CNTNAP2: variants seen among roughly 807,000 people sequenced by gnomAD.
CNTNAP2 encodes contactin associated protein 2, also known as contactin-associated protein-like 2.
CNTNAP2 carries 98 observed loss-of-function variants against 155.2 expected under a neutral mutation model. That is an observed-to-expected ratio of 0.63 (90% CI 0.54 to 0.75). CNTNAP2 has a LOEUF of 0.75. Ranked by LOEUF, CNTNAP2 falls within the 30% of genes least tolerant of loss-of-function variation. The pLI is 0.00. For synonymous variants in CNTNAP2, 651 were observed against 631.2 expected (o/e 1.03, Z -0.47); for missense variants, 1,727 against 1,688.1 (o/e 1.02, Z -0.40).
chr7:147,137,736 A>C (rs561300105), intron 8 of CNTNAP2, among the ~76,000 whole-genome samples: 64 of 152,016 alleles, frequency 4.2e-4, no homozygotes, highest in African/African-American at 1.5e-3. Context: ...TGTGTCTATA[A>C]TGTTTAATTA....
chr7:147,808,347 G>A (rs2116602995), intron 13 of CNTNAP2, among the ~76,000 whole-genome samples: 1 of 152,310 alleles, frequency 6.6e-6, no homozygotes, highest in East Asian at 1.9e-4. Flanking sequence ...AGATTCTGGG[G>A]AGGAGAAATC....
At chr7:147,575,107 ATGTG>A (rs754922892) in intron 12 of CNTNAP2, among the ~76,000 whole-genome samples, 6,101 of 93,754 alleles carry the variant, frequency 0.065, 365 homozygotes, top group African/African-American at 0.15. Flanking sequence ...TTTGTGGGAA[ATGTG>A]TGTGTGTGTG....
chr7:147,051,085 C>T (rs1799462398), intron 4 of CNTNAP2, among the ~76,000 whole-genome samples: 1 of 151,652 alleles, frequency 6.6e-6, no homozygotes, highest in African/African-American at 2.4e-5. Context: ...GCTATATCCA[C>T]AAAGACCCAC....
At chr7:148,313,074 A>G (rs1241838931) in intron 21 of CNTNAP2, among the ~76,000 whole-genome samples, 1 of 151,806 alleles carries the variant, frequency 6.6e-6, no homozygotes, top group Non-Finnish European at 1.5e-5. Context: ...AGTGCTTAAA[A>G]GAGTATTGTC....
intron 21 of CNTNAP2, among the ~76,000 whole-genome samples, chr7:148,349,471 G>A (rs142203563): frequency 0.024 from 3,393 of 144,306 alleles, 43 homozygotes; most frequent in African/African-American, 0.045. Context: ...GCGCTATCTC[G>A]GCTCACTGCA....
chr7:147,021,442 G>C (rs1044134933), intron 3 of CNTNAP2, among the ~76,000 whole-genome samples: 12 of 152,030 alleles, frequency 7.9e-5, no homozygotes, highest in Non-Finnish European at 1.8e-4. Flanking sequence ...CCAGTTCTTT[G>C]TATGATATAT....
At position 147,864,492 on chromosome 7, in the gene CNTNAP2, G is replaced by A. The variant is rs927617405; in HGVS notation, c.2099-39073G>A. Among the ~76,000 whole-genome samples, 179 of 151,150 alleles carry A rather than the reference G, an allele frequency of 1.2e-3. 1 individual carries two copies. Among genetic ancestry groups the A allele is most frequent in the Non-Finnish European group, 2.2e-3 (152 of 67,804 alleles). Reference sequence around the variant, plus strand: ...AGTCATTGGTAGCTTGATGGGGATGGCATTGAATCTGTAAATTACCTTGGG... The same window carrying A: ...AGTCATTGGTAGCTTGATGGGGATGACATTGAATCTGTAAATTACCTTGGG... On this transcript the variant is annotated intron_variant, in intron 13 of 23. Transcript: ENST00000361727.
At chr7:147,518,552 C>T (rs977073439) in intron 11 of CNTNAP2, among the ~76,000 whole-genome samples, 2 of 152,180 alleles carry the variant, frequency 1.3e-5, no homozygotes, top group African/African-American at 2.4e-5. Flanking sequence ...AGATCAGAAA[C>T]ATTTTGTAGC....
rs146669007 is a variant in CNTNAP2 at position 146,999,996 on chromosome 7, A to G, written c.403-43911A>G. Reference sequence around the variant, plus strand: ...TGTCATTGCTTTTTTTTGAATGCCAATGATTATTATATTTGCTCATTTAAG... The same window carrying G: ...TGTCATTGCTTTTTTTTGAATGCCAGTGATTATTATATTTGCTCATTTAAG... On this transcript the variant is annotated intron_variant, in intron 3 of 23. Transcript: ENST00000361727. Among the ~76,000 whole-genome samples, 249 of 151,948 alleles carry G rather than the reference A, an allele frequency of 1.6e-3. 1 individual carries two copies. The highest frequency in any genetic ancestry group is 5.9e-3 in the African/African-American group (243 of 41,504).
At chr7:146,272,066 T>A (rs1800091086) in intron 1 of CNTNAP2, among the ~76,000 whole-genome samples, 1 of 152,160 alleles carries the variant, frequency 6.6e-6, no homozygotes. Context: ...ACACTGCTAA[T>A]AAGGCCATAC....
At chr7:147,171,941 G>A (rs1406233910) in intron 8 of CNTNAP2, among the ~76,000 whole-genome samples, 2 of 151,866 alleles carry the variant, frequency 1.3e-5, no homozygotes, top group African/African-American at 2.4e-5. Context: ...AACTCAAAAT[G>A]CCATTCATTT....
chr7:148,192,243 A>G (rs1053562385), intron 18 of CNTNAP2, among the ~76,000 whole-genome samples: 4 of 151,970 alleles, frequency 2.6e-5, no homozygotes, highest in South Asian at 4.2e-4. Context: ...CATTAAATAA[A>G]CTCTCGTCAT....
At chr7:147,013,876 C>T (rs904192890) in intron 3 of CNTNAP2, among the ~76,000 whole-genome samples, 10 of 152,150 alleles carry the variant, frequency 6.6e-5, no homozygotes, top group African/African-American at 1.9e-4. Context: ...TGCTAAGAGC[C>T]GGGAACAGAA....
intron 1 of CNTNAP2, among the ~76,000 whole-genome samples, chr7:146,547,022 G>A (rs560127701): frequency 2.0e-5 from 3 of 152,036 alleles, no homozygotes; most frequent in Non-Finnish European, 4.4e-5. Flanking sequence ...AGGCAGGGGA[G>A]TCGTTTAGGT....
rs1229877881 is a variant in CNTNAP2 at position 147,124,838 on chromosome 7, C to T, written c.939+3675C>T. ...AGAAGTGATGGAATACAAGTTCACT[C>T]CTTTGATGTAACTCTATGTGGACAT... On this transcript the variant is annotated intron_variant, in intron 6 of 23. Coordinates refer to ENST00000361727, the MANE Select transcript of CNTNAP2 (RefSeq NM_014141.6). Among the ~76,000 whole-genome samples the T allele has an allele frequency of 4.7e-5, 7 of 150,332 alleles. No individual in the cohort carries two copies. In the East Asian group the frequency reaches 1.2e-3, roughly 25 times the overall value.
At chr7:146,757,719 T>C (rs557150328) in intron 1 of CNTNAP2, among the ~76,000 whole-genome samples, 1 of 152,258 alleles carries the variant, frequency 6.6e-6, no homozygotes, top group South Asian at 2.1e-4. Flanking sequence ...GTTGGGAAAA[T>C]AGTACAGTGA....
rs569377267 is a variant in CNTNAP2, at chr7:147,728,339, A to G, written c.2098+89033A>G. 2.0e-5 allele frequency among the ~76,000 whole-genome samples: 3 copies of G among 152,150 alleles called. No homozygotes were observed. The South Asian group carries it at 6.2e-4, about 32-fold the overall frequency. ...TTCGGAAGTTGTCAGGCTACTGACC[A>G]CTCTGATGGAACTAGCAAGGAAATG... On this transcript the variant is annotated intron_variant, in intron 13 of 23. Coordinates refer to ENST00000361727, the MANE Select transcript of CNTNAP2 (RefSeq NM_014141.6).
At chr7:146,650,878 A>G (rs1371091816) in intron 1 of CNTNAP2, among the ~76,000 whole-genome samples, 6 of 152,156 alleles carry the variant, frequency 3.9e-5, no homozygotes, top group South Asian at 2.1e-4. Flanking sequence ...GAAAACAGCC[A>G]GATGGACTGG....
intron 8 of CNTNAP2, among the ~76,000 whole-genome samples, chr7:147,188,306 G>A (rs1458307217): frequency 5.3e-5 from 8 of 152,162 alleles, no homozygotes; most frequent in Admixed American, 4.6e-4. Flanking sequence ...AAATGTGTAG[G>A]AGAGTCCAGA....
Sources: gnomAD v4.1 joint callset for allele counts (sites outside exome capture counted in the v4.1 genomes callset) on GRCh38, gnomAD v4.1.1 for gene constraint, MANE v1.5 for transcripts, NCBI Gene and HGNC (gene_info 2026-07-23, HGNC 2026-07-21) for gene names.